Variants in KCNH7 observed in about 807,000 individuals in gnomAD.
KCNH7 encodes the protein potassium voltage-gated channel subfamily H member 7.
A neutral mutation model predicts 120.8 loss-of-function variants in KCNH7; 49 were observed. The ratio of observed to expected loss-of-function variants is 0.41; its 90% CI spans 0.32 to 0.51. KCNH7 has a LOEUF of 0.51. KCNH7 is among the 20% of genes least tolerant of loss of function. The pLI is 0.38. For synonymous variants in KCNH7, 547 were observed against 516.1 expected (o/e 1.06, Z -0.81); for missense variants, 1,097 against 1,446.6 (o/e 0.76, Z 3.92).
chr2:162,397,819 G>A lies in KCNH7; in HGVS notation c.2408-874C>T, dbSNP rs116593411. 3.2e-3 allele frequency among the ~76,000 whole-genome samples: 483 copies of A among 151,900 alleles called. 2 individuals carry two copies. The highest frequency in any genetic ancestry group is 0.011 in the African/African-American group (462 of 41,506). On this transcript the variant is annotated intron_variant, in intron 10 of 15. Coordinates refer to ENST00000332142, the MANE Select transcript of KCNH7 (RefSeq NM_033272.4). ...TTACTAATAATTATCCACATTTTAT[G>A]AATACAGAAAGAGCATTAAAGAGAT...
intron 9 of KCNH7, among the ~76,000 whole-genome samples, chr2:162,407,268 C>T (rs559692555): frequency 5.7e-4 from 86 of 152,086 alleles, no homozygotes; most frequent in African/African-American, 1.9e-3. Flanking sequence ...CTGTCACACA[C>T]GGACAGAGAT....
chr2:162,712,167 C>A (rs182134457), intron 2 of KCNH7, among the ~76,000 whole-genome samples: 7 of 152,240 alleles, frequency 4.6e-5, no homozygotes, highest in East Asian at 3.9e-4. Context: ...CCAGTGAATT[C>A]TTGGCATCTT....
chr2:162,618,691 A>G (rs1420745687), intron 2 of KCNH7, among the ~76,000 whole-genome samples: 1 of 152,148 alleles, frequency 6.6e-6, no homozygotes, highest in African/African-American at 2.4e-5. Flanking sequence ...TGTGGATGTA[A>G]ATAAATTGAT....
chr2:162,741,107 T>G (rs1444951217), intron 2 of KCNH7, among the ~76,000 whole-genome samples: 1 of 152,032 alleles, frequency 6.6e-6, no homozygotes, highest in Non-Finnish European at 1.5e-5. Context: ...AAGTATAAAA[T>G]TAAAGCCATG....
intron 2 of KCNH7, among the ~76,000 whole-genome samples, chr2:162,742,729 G>C (rs944996938): frequency 2.6e-5 from 4 of 152,190 alleles, no homozygotes; most frequent in African/African-American, 9.7e-5. Context: ...AGAAGGAAGA[G>C]AGCAAGAGAC....
Position 162,487,860 on chromosome 2 carries a change from C to T in KCNH7, c.1128+16583G>A, listed in dbSNP as rs555178872. Among the ~76,000 whole-genome samples, 2 of 152,322 alleles carry T rather than the reference C, an allele frequency of 1.3e-5. 1 individual carries two copies. The highest frequency in any genetic ancestry group is 4.1e-4 in the South Asian group (2 of 4,830). On this transcript the variant is annotated intron_variant, in intron 6 of 15. Transcript: ENST00000332142. ...CAGGGAATAGCTGTAGTCAATGAAG[C>T]TTACAAGGCCTTAGGCTGCTTGGAT...
rs767809489 is a variant in KCNH7, at chr2:162,373,593, G to A, written c.3201C>T (p.Val1067=). ...CTGTTACCATACTGTAGGCTGGGGG[G>A]ACCACAGTGGTTTGTTTCTGCAGCA... ...LQLLQKQTTV[V]PPAYSMVTAG... Residue 1067 remains valine, a synonymous_variant, in exon 15 of 16, where the codon GTC becomes GTT. Coordinates refer to ENST00000332142, the MANE Select transcript of KCNH7 (RefSeq NM_033272.4). 11 of 1,578,802 alleles carry A rather than the reference G, an allele frequency of 7.0e-6. No individual in the cohort carries two copies. Among genetic ancestry groups the A allele is most frequent in the Non-Finnish European group, 8.6e-6 (10 of 1,162,018 alleles).
chr2:162,372,195 A>T, intron 15 of KCNH7, 100 bp from the exon 16 acceptor site: 1 of 992,602 alleles, frequency 1.0e-6, no homozygotes, highest in South Asian at 1.7e-5. Context: ...TTCCTCATTA[A>T]TCTATATTTG....
At chr2:162,431,852 G>T (rs1415512112) in intron 8 of KCNH7, among the ~76,000 whole-genome samples, 1 of 151,880 alleles carries the variant, frequency 6.6e-6, no homozygotes, top group Non-Finnish European at 1.5e-5. Flanking sequence ...AAGGACAAAG[G>T]AAGAAAATTG....
intron 12 of KCNH7, among the ~76,000 whole-genome samples, chr2:162,386,286 T>C (rs1686569295): frequency 6.6e-6 from 1 of 151,908 alleles, no homozygotes; most frequent in African/African-American, 2.4e-5. Flanking sequence ...ACAGACCTCC[T>C]TAAACCTCTA....
intron 2 of KCNH7, among the ~76,000 whole-genome samples, chr2:162,646,157 T>C (rs1045585202): frequency 6.6e-6 from 1 of 152,234 alleles, no homozygotes; most frequent in Non-Finnish European, 1.5e-5. Flanking sequence ...AAGCGATTTA[T>C]ATTTGCAAAT....
At chr2:162,529,437 T>C (rs1691838253) in intron 3 of KCNH7, among the ~76,000 whole-genome samples, 1 of 151,950 alleles carries the variant, frequency 6.6e-6, no homozygotes, top group South Asian at 2.1e-4. Flanking sequence ...CCCCAATCCC[T>C]TCAAGAAATG....
chr2:162,614,654 G>C (rs527333881), intron 2 of KCNH7, among the ~76,000 whole-genome samples: 1 of 149,470 alleles, frequency 6.7e-6, no homozygotes, highest in Admixed American at 6.7e-5. Context: ...ATAGAATTTT[G>C]ATGCTATGCT....
At chr2:162,687,905 G>A (rs1247508484) in intron 2 of KCNH7, among the ~76,000 whole-genome samples, 1 of 152,090 alleles carries the variant, frequency 6.6e-6, no homozygotes, top group Admixed American at 6.6e-5. Flanking sequence ...GCAGGTTAAT[G>A]TTATCAGGCA....
intron 2 of KCNH7, among the ~76,000 whole-genome samples, chr2:162,615,125 A>G (rs946771990): frequency 2.0e-5 from 3 of 152,102 alleles, no homozygotes; most frequent in Non-Finnish European, 4.4e-5. Flanking sequence ...TAGGTATATC[A>G]CTTGTGGTTT....
At chr2:162,684,580 C>A (rs1685820881) in intron 2 of KCNH7, among the ~76,000 whole-genome samples, 1 of 151,926 alleles carries the variant, frequency 6.6e-6, no homozygotes, top group African/African-American at 2.4e-5. Context: ...ATTTATGTGG[C>A]CAACAAACAT....
intron 2 of KCNH7, among the ~76,000 whole-genome samples, chr2:162,616,784 C>A (rs537033888): frequency 1.3e-5 from 2 of 152,164 alleles, no homozygotes; most frequent in Non-Finnish European, 2.9e-5. Flanking sequence ...TGATAGAAAG[C>A]ATTTGTACAA....
Position 162,663,232 on chromosome 2 carries a change from G to A in KCNH7, c.308-126152C>T, listed in dbSNP as rs76156228. Among the ~76,000 whole-genome samples, 180 of 152,284 alleles carry A rather than the reference G, an allele frequency of 1.2e-3. 1 individual carries two copies. The highest frequency in any genetic ancestry group is 4.2e-3 in the African/African-American group (174 of 41,560). ...GGCACAGAGTAGGCACATGGCAGAC[G>A]TCTGTTGAATATGCATTTTAAGACA... On this transcript the variant is annotated intron_variant, in intron 2 of 15. Coordinates refer to ENST00000332142, the MANE Select transcript of KCNH7 (RefSeq NM_033272.4).
intron 8 of KCNH7, 49 bp from the exon 9 acceptor site, chr2:162,423,584 G>A (rs1361871523): frequency 1.7e-5 from 26 of 1,486,018 alleles, no homozygotes; most frequent in Non-Finnish European, 2.0e-5. Context: ...ACATAGGTGT[G>A]TTATATATTG....
Sources: allele counts gnomAD v4.1 joint callset (sites outside exome capture counted in the v4.1 genomes callset), GRCh38; gene constraint gnomAD v4.1.1; transcripts MANE v1.5; gene names NCBI Gene and HGNC (gene_info 2026-07-23, HGNC 2026-07-21).